The following ASIC2 variants were observed in gnomAD, a reference collection of about 807,000 sequenced individuals.
The protein encoded by ASIC2 is acid sensing ion channel subunit 2, also known as acid-sensing ion channel 2.
Under a neutral mutation model 57.3 loss-of-function variants are expected in ASIC2, and 25 were observed. The observed-to-expected ratio is 0.44, with a 90% confidence interval of 0.32 to 0.61. ASIC2 has a LOEUF of 0.61. Ranked by LOEUF, ASIC2 falls within the 20% of genes least tolerant of loss-of-function variation. The probability of loss-of-function intolerance (pLI) is 0.06; values close to 1 mark genes in which losing one functional copy is unlikely to be tolerated. For missense variants in ASIC2, 641 were observed against 738.1 expected (o/e 0.87, Z 1.52); for synonymous variants, 319 against 307.5 (o/e 1.04, Z -0.39).
intron 1 of ASIC2, among the ~76,000 whole-genome samples, chr17:33,118,640 A>G (rs1187037050): frequency 6.6e-6 from 1 of 152,168 alleles, no homozygotes; most frequent in Non-Finnish European, 1.5e-5. Context: ...AGTGCCAGAC[A>G]CCAAAAATCT....
At chr17:34,011,382 C>G (rs966561666) in intron 1 of ASIC2, among the ~76,000 whole-genome samples, 2 of 152,156 alleles carry the variant, frequency 1.3e-5, no homozygotes, top group Non-Finnish European at 2.9e-5. Context: ...AAGGGCTACA[C>G]TCTATTTTGC....
upstream of ASIC2, among the ~76,000 whole-genome samples, chr17:33,297,412 G>C (rs945315874): frequency 6.6e-6 from 1 of 152,138 alleles, no homozygotes. Flanking sequence ...TCATGGAGGT[G>C]GTGGGTGGAG....
At chr17:33,184,089 C>A (rs1906092794) in intron 1 of ASIC2, among the ~76,000 whole-genome samples, 1 of 152,180 alleles carries the variant, frequency 6.6e-6, no homozygotes, top group Non-Finnish European at 1.5e-5. Context: ...GCTATTACTA[C>A]AATTGAGCTA....
At chr17:33,244,675 C>T (rs1032598808) in intron 1 of ASIC2, among the ~76,000 whole-genome samples, 4 of 152,180 alleles carry the variant, frequency 2.6e-5, no homozygotes, top group Non-Finnish European at 4.4e-5. Context: ...TGCCCCACCA[C>T]GAGACCCTTG....
chr17:33,738,842 C>T (rs758961064), intron 1 of ASIC2, among the ~76,000 whole-genome samples: 3 of 152,240 alleles, frequency 2.0e-5, no homozygotes, highest in Admixed American at 6.5e-5. Flanking sequence ...CTTAAGTCAG[C>T]TCTCAGGTTT....
chr17:33,276,352 G>A (rs937598524), intron 1 of ASIC2, among the ~76,000 whole-genome samples: 2 of 152,216 alleles, frequency 1.3e-5, no homozygotes, highest in African/African-American at 4.8e-5. Flanking sequence ...AACAGCCTTA[G>A]CAATTCTAAC....
At chr17:33,940,926 G>A (rs575847544) in intron 1 of ASIC2, among the ~76,000 whole-genome samples, 2 of 152,316 alleles carry the variant, frequency 1.3e-5, no homozygotes, top group African/African-American at 4.8e-5. Context: ...TAGCCCAGAC[G>A]GAGTGGGCCT....
chr17:34,127,553 A>G (rs757626737), intron 1 of ASIC2, among the ~76,000 whole-genome samples: 142 of 152,094 alleles, frequency 9.3e-4, no homozygotes, highest in Non-Finnish European at 1.7e-3. Context: ...GCAGCAATCA[A>G]TTTTTCTCTA....
At chr17:34,023,070 A>G (rs1597978709) in intron 1 of ASIC2, among the ~76,000 whole-genome samples, 1 of 152,052 alleles carries the variant, frequency 6.6e-6, no homozygotes, top group Non-Finnish European at 1.5e-5. Context: ...CTCATCCACC[A>G]TGCTTCCTGT....
At chr17:33,841,691 G>A (rs1913443136) in intron 1 of ASIC2, among the ~76,000 whole-genome samples, 1 of 152,234 alleles carries the variant, frequency 6.6e-6, no homozygotes, top group Non-Finnish European at 1.5e-5. Context: ...AAGCCCCCAA[G>A]AGAGGGAGGC....
At chr17:33,265,280 G>A (rs1405538784) in intron 1 of ASIC2, among the ~76,000 whole-genome samples, 1 of 152,168 alleles carries the variant, frequency 6.6e-6, no homozygotes, top group Non-Finnish European at 1.5e-5. Context: ...GTGATAGACT[G>A]GATAAAGAAA....
Position 33,870,866 on chromosome 17 carries a change from T to C in ASIC2, c.555+285112A>G, listed in dbSNP as rs946793952. The stretch of plus-strand genomic sequence containing the variant: ...CAATGCCTGACATATGTAGGCTTAA[T>C]ATAAGTGCTAAACATAATAAACTCT... On this transcript the variant is annotated intron_variant, in intron 1 of 9. Coordinates refer to the ASIC2 transcript ENST00000359872. Among the ~76,000 whole-genome samples the C allele has an allele frequency of 2.0e-5, 3 of 152,210 alleles. No homozygotes were observed. In the East Asian group the frequency reaches 5.8e-4, roughly 29 times the overall value.
intron 1 of ASIC2, among the ~76,000 whole-genome samples, chr17:33,288,789 C>T (rs1265035951): frequency 1.3e-5 from 2 of 151,706 alleles, no homozygotes; most frequent in African/African-American, 4.9e-5. Context: ...GTATTGTTAT[C>T]TCCATTAGAT....
At chr17:33,808,215 G>A (rs865827932) in intron 1 of ASIC2, among the ~76,000 whole-genome samples, 5 of 152,226 alleles carry the variant, frequency 3.3e-5, no homozygotes, top group Middle Eastern at 3.2e-3. Flanking sequence ...TGTGAACAGT[G>A]TGAGGTCTGT....
At chr17:33,261,040 G>A (rs964148170) in intron 1 of ASIC2, among the ~76,000 whole-genome samples, 9 of 152,186 alleles carry the variant, frequency 5.9e-5, no homozygotes, top group African/African-American at 2.2e-4. Context: ...TGATTTGACT[G>A]CAGACTTAGA....
intron 1 of ASIC2, among the ~76,000 whole-genome samples, chr17:33,978,253 T>A (rs565370559): frequency 6.6e-6 from 1 of 152,300 alleles, no homozygotes; most frequent in South Asian, 2.1e-4. Flanking sequence ...TAAGTTTTTG[T>A]CCCAATGTTT....
intron 1 of ASIC2, among the ~76,000 whole-genome samples, chr17:33,662,486 TGG>T (rs35180488): frequency 1.3e-5 from 2 of 150,160 alleles, no homozygotes; most frequent in Admixed American, 1.3e-4. Flanking sequence ...CCAGGTGTGG[TGG>T]GGGGGGCACC....
intron 1 of ASIC2, among the ~76,000 whole-genome samples, chr17:33,909,410 C>T (rs978074843): frequency 1.3e-5 from 2 of 152,192 alleles, no homozygotes; most frequent in African/African-American, 2.4e-5. Flanking sequence ...TTGGCAGGCA[C>T]ACTTCTCATC....
intron 1 of ASIC2, among the ~76,000 whole-genome samples, chr17:33,820,723 A>G (rs1451130391): frequency 6.6e-6 from 1 of 152,210 alleles, no homozygotes; most frequent in African/African-American, 2.4e-5. Flanking sequence ...AAGATTTTTT[A>G]AAGATACAGG....
Sources: gnomAD v4.1 joint callset for allele counts (sites outside exome capture counted in the v4.1 genomes callset) on GRCh38, gnomAD v4.1.1 for gene constraint, MANE v1.5 for transcripts, NCBI Gene and HGNC (gene_info 2026-07-23, HGNC 2026-07-21) for gene names.